The following AGPAT4 variants were observed in gnomAD, a reference collection of about 807,000 sequenced individuals.
AGPAT4 encodes 1-acylglycerol-3-phosphate O-acyltransferase 4, also known as 1-acyl-sn-glycerol-3-phosphate acyltransferase delta.
Under a neutral mutation model 48.0 loss-of-function variants are expected in AGPAT4, and 15 were observed. The ratio of observed to expected loss-of-function variants is 0.31; its 90% CI spans 0.21 to 0.48. The LOEUF (loss-of-function observed/expected upper bound fraction) is 0.48, where lower values mean the gene tolerates loss of function less well. Ranked by LOEUF, AGPAT4 falls within the 20% of genes least tolerant of loss-of-function variation. AGPAT4 has a pLI of 0.99. For synonymous variants in AGPAT4, 178 were observed against 198.7 expected (o/e 0.90, Z 0.88); for missense variants, 314 against 482.5 (o/e 0.65, Z 3.27).
Position 161,232,201 on chromosome 6 carries a change from C to A in AGPAT4, c.13G>T (p.Gly5Ter). The change falls in exon 2 of 9, where the codon GGA becomes TGA. Residue 5 changes from glycine (G) to a stop codon, truncating the protein, a stop_gained. Coordinates refer to ENST00000320285, the MANE Select transcript of AGPAT4 (RefSeq NM_020133.3). LOFTEE classifies it high-confidence loss of function. The surrounding 1 kb of genome is among the most constrained non-coding windows in gnomAD (Gnocchi z 6.8). The stretch of plus-strand genomic sequence containing the variant: ...CACAGGAACTGAGACTTCAGCAGTC[C>A]CGCGAGGTCCATGATGCGTGGACGC... The part of the protein sequence containing the change: MDLA[G>*]LLKSQFLCHL... The A allele has an allele frequency of 6.2e-7, 1 of 1,613,870 alleles. No homozygotes were observed. The highest frequency in any genetic ancestry group is 1.1e-5 in the South Asian group (1 of 91,046).
Position 161,143,412 on chromosome 6 carries a change from A to G in AGPAT4, c.843+3112T>C, listed in dbSNP as rs193092566. On this transcript the variant is annotated intron_variant, in intron 7 of 8. Transcript: ENST00000320285. This position sits in a 1 kb window ranked among gnomAD's most constrained non-coding sequence, Gnocchi z 4.7. ...ACCTATTTCTTAATTTGCACTATTA[A>G]TGGCCAAGTTATAGTCCCTTCTGCA... 6.6e-6 allele frequency among the ~76,000 whole-genome samples: 1 copy of G among 152,324 alleles called. No individual in the cohort carries two copies. Among genetic ancestry groups the G allele is most frequent in the East Asian group, 1.9e-4 (1 of 5,192 alleles).
chr6:161,147,066 A>G lies in AGPAT4; in HGVS notation c.768-467T>C, dbSNP rs1194701565. On this transcript the variant is annotated intron_variant, in intron 6 of 8. Coordinates refer to ENST00000320285, the MANE Select transcript of AGPAT4 (RefSeq NM_020133.3). This position sits in a 1 kb window ranked among gnomAD's most constrained non-coding sequence, Gnocchi z 4.8. ...GTAATGGCAGATTATCTCCCATCAA[A>G]TGATTCCTCTGGCCTCTTGGTTAGC... Among the ~76,000 whole-genome samples the G allele has an allele frequency of 6.6e-6, 1 of 152,202 alleles. No homozygotes were observed. Among genetic ancestry groups the G allele is most frequent in the Non-Finnish European group, 1.5e-5 (1 of 68,040 alleles).
rs1005740105 is a variant in AGPAT4 at position 161,236,742 on chromosome 6, A to AG, written c.-89-4441_-89-4440insC. The stretch of plus-strand genomic sequence containing the variant: ...AAACCCCATCTCCACTAAAAATACA[A>AG]AAAAAAAAAAATAGCTGGATGTGGT... On this transcript the variant is annotated intron_variant, in intron 1 of 8. Transcript: ENST00000320285. The surrounding 1 kb of genome is among the most constrained non-coding windows in gnomAD (Gnocchi z 5.0). Among the ~76,000 whole-genome samples, 15 of 147,232 alleles carry AG rather than the reference A, an allele frequency of 1.0e-4. No homozygotes were observed. The highest frequency in any genetic ancestry group is 3.8e-4 in the African/African-American group (15 of 39,696).
At position 161,197,305 on chromosome 6, in the gene AGPAT4, C is replaced by T. The variant is rs569605141; in HGVS notation, c.179-30888G>A. ...ACTGCTAGGGACATTAAAGAACTAG[C>T]GTTCCATAAAACAGTTTGGGAAATA... On this transcript the variant is annotated intron_variant, in intron 2 of 8. Transcript: ENST00000320285. The surrounding 1 kb of genome is among the most constrained non-coding windows in gnomAD (Gnocchi z 5.7). Among the ~76,000 whole-genome samples the T allele has an allele frequency of 1.3e-5, 2 of 152,280 alleles. No homozygotes were observed. Among genetic ancestry groups the T allele is most frequent in the African/African-American group, 2.4e-5 (1 of 41,552 alleles).
chr6:161,165,985 A>G lies in AGPAT4; in HGVS notation c.348+263T>C. On this transcript the variant is annotated intron_variant, in intron 3 of 8. Coordinates refer to ENST00000320285, the MANE Select transcript of AGPAT4 (RefSeq NM_020133.3). This position sits in a 1 kb window ranked among gnomAD's most constrained non-coding sequence, Gnocchi z 5.5. The stretch of plus-strand genomic sequence containing the variant: ...ATGGAGTGTGGCACATCATCTATTC[A>G]TGTTGCTGTAAGGATTAAATAAATG... The G allele has an allele frequency of 1.6e-6, 1 of 612,564 alleles. No homozygotes were observed. Among genetic ancestry groups the G allele is most frequent in the Non-Finnish European group, 2.9e-6 (1 of 343,724 alleles). 37.9% of individuals were successfully genotyped at this position (612,564 alleles called of 1,614,324 possible). A position where few individuals can be genotyped will look rare whatever the true frequency, so the allele number is the denominator to read the frequency against.
chr6:161,180,615 G>A lies in AGPAT4; in HGVS notation c.179-14198C>T, dbSNP rs1307343306. Among the ~76,000 whole-genome samples, 2 of 152,028 alleles carry A rather than the reference G, an allele frequency of 1.3e-5. No homozygotes were observed. The highest frequency in any genetic ancestry group is 2.9e-5 in the Non-Finnish European group (2 of 68,022). ...TTAGCTTTTAACTGATAATAATTTA[G>A]GTTAAAAATTAAAGCCCTCATCCTC... On this transcript the variant is annotated intron_variant, in intron 2 of 8. Coordinates refer to ENST00000320285, the MANE Select transcript of AGPAT4 (RefSeq NM_020133.3). This position sits in a 1 kb window ranked among gnomAD's most constrained non-coding sequence, Gnocchi z 6.4.
intron 2 of AGPAT4, among the ~76,000 whole-genome samples, chr6:161,186,402 A>G (rs1231000209): frequency 6.6e-6 from 1 of 152,108 alleles, no homozygotes; most frequent in Admixed American, 6.5e-5. Flanking sequence ...AAGAATTTCA[A>G]CTTAGAGCAA....
rs147775889 is a variant in AGPAT4 at position 161,201,953 on chromosome 6, G to T, written c.178+30083C>A. ...GATATGCCAAGTAGGATGCCAGTAA[G>T]AAAGATGCTTACTAAAGGCCACTAT... On this transcript the variant is annotated intron_variant, in intron 2 of 8. Transcript: ENST00000320285. This position sits in a 1 kb window ranked among gnomAD's most constrained non-coding sequence, Gnocchi z 6.0. Among the ~76,000 whole-genome samples, 1 of 152,152 alleles carries T rather than the reference G, an allele frequency of 6.6e-6. No individual in the cohort carries two copies. Among genetic ancestry groups the T allele is most frequent in the African/African-American group, 2.4e-5 (1 of 41,434 alleles).
In AGPAT4 at chr6:161,240,497, T is replaced by C. The variant is rs945325353; in HGVS notation, c.-89-8195A>G. On this transcript the variant is annotated intron_variant, in intron 1 of 8. Transcript: ENST00000320285. This position sits in a 1 kb window ranked among gnomAD's most constrained non-coding sequence, Gnocchi z 5.5. ...CCCCAACTCCCATCTACAGAGAAGA[T>C]TCCCAAGTGGCCCAGGTTAACCAGA... Among the ~76,000 whole-genome samples, 16 of 152,188 alleles carry C rather than the reference T, an allele frequency of 1.1e-4. No homozygotes were observed. The highest frequency in any genetic ancestry group is 3.6e-4 in the African/African-American group (15 of 41,446).
Position 161,240,791 on chromosome 6 carries a change from T to C in AGPAT4, c.-89-8489A>G, listed in dbSNP as rs1782461508. 6.6e-6 allele frequency among the ~76,000 whole-genome samples: 1 copy of C among 152,114 alleles called. No individual in the cohort carries two copies. The highest frequency in any genetic ancestry group is 1.5e-5 in the Non-Finnish European group (1 of 68,018). ...AGTCTCCACCAGGGCGGCAACTAAC[T>C]TGTACAGGTCTGAGGAACGTGCTCT... On this transcript the variant is annotated intron_variant, in intron 1 of 8. Transcript: ENST00000320285. The surrounding 1 kb of genome is among the most constrained non-coding windows in gnomAD (Gnocchi z 5.5).
rs13196735 is a variant in AGPAT4, at chr6:161,184,565, C to T, written c.179-18148G>A. On this transcript the variant is annotated intron_variant, in intron 2 of 8. Coordinates refer to ENST00000320285, the MANE Select transcript of AGPAT4 (RefSeq NM_020133.3). This position sits in a 1 kb window ranked among gnomAD's most constrained non-coding sequence, Gnocchi z 4.8. ...GCCCTGGCCTCCCCTGGCCCTGCCC[C>T]GGACCCCCCATTCCCACCTGTCATC... Among the ~76,000 whole-genome samples the T allele has an allele frequency of 0.083, 12,589 of 152,006 alleles. 652 individuals are homozygous for T. Among genetic ancestry groups the T allele is most frequent in the Non-Finnish European group, 0.12 (8,301 of 67,928 alleles).
In AGPAT4 at chr6:161,218,160, C is replaced by T. The variant is rs561120914; in HGVS notation, c.178+13876G>A. Among the ~76,000 whole-genome samples the T allele has an allele frequency of 1.3e-5, 2 of 152,180 alleles. No individual in the cohort carries two copies. Among genetic ancestry groups the T allele is most frequent in the Non-Finnish European group, 2.9e-5 (2 of 68,030 alleles). On this transcript the variant is annotated intron_variant, in intron 2 of 8. Coordinates refer to ENST00000320285, the MANE Select transcript of AGPAT4 (RefSeq NM_020133.3). This position sits in a 1 kb window ranked among gnomAD's most constrained non-coding sequence, Gnocchi z 4.7. ...TGCACAAGATGACTGTAGCTCTCTA[C>T]CCCCGTCCACAGTGACGGTGCCAAT... is the stretch of plus-strand genomic sequence containing the variant.
rs954164955 is a variant in AGPAT4, at chr6:161,234,626, A to C, written c.-89-2324T>G. On this transcript the variant is annotated intron_variant, in intron 1 of 8. Coordinates refer to ENST00000320285, the MANE Select transcript of AGPAT4 (RefSeq NM_020133.3). This position sits in a 1 kb window ranked among gnomAD's most constrained non-coding sequence, Gnocchi z 4.4. Reference sequence around the variant, plus strand: ...GGCAGCAGTAACAGTTTGATGTTGAATATTCATGCAATTTGTTCATTGTCC... The same window carrying C: ...GGCAGCAGTAACAGTTTGATGTTGACTATTCATGCAATTTGTTCATTGTCC... Among the ~76,000 whole-genome samples, 1 of 152,174 alleles carries C rather than the reference A, an allele frequency of 6.6e-6. No individual in the cohort carries two copies. Among genetic ancestry groups the C allele is most frequent in the Non-Finnish European group, 1.5e-5 (1 of 68,046 alleles).
intron 2 of AGPAT4, among the ~76,000 whole-genome samples, chr6:161,173,673 G>T (rs920911021): frequency 6.6e-6 from 1 of 152,144 alleles, no homozygotes; most frequent in Non-Finnish European, 1.5e-5. Context: ...GTCAATTTTG[G>T]CTTTTGTTGC....
At chr6:161,174,588 GCA>G (rs1366789012) in intron 2 of AGPAT4, among the ~76,000 whole-genome samples, 1 of 152,152 alleles carries the variant, frequency 6.6e-6, no homozygotes, top group Non-Finnish European at 1.5e-5. Flanking sequence ...CATGTCATCT[GCA>G]AACAGGGACA....
intron 1 of AGPAT4, among the ~76,000 whole-genome samples, chr6:161,273,420 T>G (rs1465384868): frequency 2.0e-5 from 3 of 152,132 alleles, no homozygotes; most frequent in Non-Finnish European, 4.4e-5. Flanking sequence ...AGCAGAAAGC[T>G]GCAAACTAGA....
chr6:161,136,432 G>A lies in AGPAT4; in HGVS notation c.*108C>T, dbSNP rs901329910. Reference sequence around the variant, plus strand: ...GGCTGGAGAGGTCGTGACTTCCGCCGTGCCCAGCAGGGGCTCACCCAGCCT... The same window carrying A: ...GGCTGGAGAGGTCGTGACTTCCGCCATGCCCAGCAGGGGCTCACCCAGCCT... On this transcript the variant is annotated 3_prime_UTR_variant, in exon 9 of 9. Transcript: ENST00000320285. 33 of 964,596 alleles carry A rather than the reference G, an allele frequency of 3.4e-5. No individual in the cohort carries two copies. Among genetic ancestry groups the A allele is most frequent in the South Asian group, 5.8e-5 (4 of 69,536 alleles). The allele number at this position is 964,596 out of a possible 1,614,324, so 59.8% of individuals were successfully genotyped here.
At chr6:161,153,523 G>A (rs747036255) in intron 4 of AGPAT4, 24 bp from the exon 5 acceptor site, 13 of 1,611,094 alleles carry the variant, frequency 8.1e-6, no homozygotes, top group South Asian at 7.7e-5. Context: ...GGCAGGAGTC[G>A]CACGCAGCCT....
chr6:161,136,481 G>A lies in AGPAT4; in HGVS notation c.*59C>T. Reference sequence around the variant, plus strand: ...CTTTGTCACCGTGTCCCACTAAGGAGGATATGCAGAGGCCACCAGTTCCCC... The same window carrying A: ...CTTTGTCACCGTGTCCCACTAAGGAAGATATGCAGAGGCCACCAGTTCCCC... On this transcript the variant is annotated 3_prime_UTR_variant, in exon 9 of 9. Transcript: ENST00000320285. The A allele has an allele frequency of 6.8e-7, 1 of 1,476,838 alleles. No individual in the cohort carries two copies. Among genetic ancestry groups the A allele is most frequent in the Non-Finnish European group, 9.4e-7 (1 of 1,058,522 alleles). The allele number at this position is 1,476,838 out of a possible 1,614,324, so 91.5% of individuals were successfully genotyped here.
Sources: allele counts gnomAD v4.1 joint callset (sites outside exome capture counted in the v4.1 genomes callset), GRCh38; gene constraint gnomAD v4.1.1; non-coding constraint Gnocchi (gnomAD v3.1); transcripts MANE v1.5; gene names NCBI Gene and HGNC (gene_info 2026-07-23, HGNC 2026-07-21).